The following ROBO1 variants were observed in gnomAD, a reference collection of about 807,000 sequenced individuals.
ROBO1 encodes the protein roundabout guidance receptor 1, also known as roundabout homolog 1.
ROBO1 carries 149 observed loss-of-function variants against 195.9 expected under a neutral mutation model. That is an observed-to-expected ratio of 0.76 (90% CI 0.67 to 0.87). ROBO1 has a LOEUF of 0.87. Among genes scored for constraint, ROBO1 ranks in the 40% least tolerant of loss-of-function variants. The pLI, the probability that ROBO1 is intolerant of heterozygous loss-of-function variation, is 0.00. For synonymous variants in ROBO1, 816 were observed against 733.2 expected (o/e 1.11, Z -1.82); for missense variants, 1,933 against 2,068.3 (o/e 0.93, Z 1.27).
At chr3:78,617,444 G>A (rs1485036426) in intron 27 of ROBO1, among the ~76,000 whole-genome samples, 191 bp downstream of exon 27, 1 of 150,936 alleles carries the variant, frequency 6.6e-6, no homozygotes, top group Non-Finnish European at 1.5e-5. Context: ...AAAAAGCCTT[G>A]TCAAGGAAAA....
At chr3:79,309,080 G>T (rs1159794870) in intron 2 of ROBO1, among the ~76,000 whole-genome samples, 1 of 152,074 alleles carries the variant, frequency 6.6e-6, no homozygotes, top group East Asian at 1.9e-4. Context: ...AAAAGCCACT[G>T]TTATTAATTA....
chr3:79,386,929 C>T (rs1316433079), intron 2 of ROBO1, among the ~76,000 whole-genome samples: 2 of 152,030 alleles, frequency 1.3e-5, no homozygotes, highest in Non-Finnish European at 2.9e-5. Flanking sequence ...AAGCTTCACT[C>T]TTATGTATTA....
intron 2 of ROBO1, among the ~76,000 whole-genome samples, chr3:79,386,679 C>T (rs116490556): frequency 2.8e-4 from 42 of 152,180 alleles, no homozygotes; most frequent in Middle Eastern, 6.8e-3. Context: ...GGTAGCTTCA[C>T]GCATTGGTTG....
At chr3:79,475,090 T>C (rs1266190488) in intron 2 of ROBO1, among the ~76,000 whole-genome samples, 2 of 151,932 alleles carry the variant, frequency 1.3e-5, no homozygotes, top group Non-Finnish European at 2.9e-5. Context: ...GTAATAGTCA[T>C]AAAATTAATA....
chr3:79,283,721 G>A (rs1364027893), intron 2 of ROBO1, among the ~76,000 whole-genome samples: 1 of 146,002 alleles, frequency 6.8e-6, no homozygotes, highest in Non-Finnish European at 1.5e-5. Context: ...TTTTTGAGAC[G>A]GAGTCTCGCT....
intron 1 of ROBO1, among the ~76,000 whole-genome samples, chr3:79,712,886 A>G (rs950408055): frequency 6.6e-6 from 1 of 152,088 alleles, no homozygotes; most frequent in Non-Finnish European, 1.5e-5. Context: ...TGAAAAAACA[A>G]AGCCTAGGTG....
intron 3 of ROBO1, among the ~76,000 whole-genome samples, chr3:79,079,549 A>G (rs1473927247): frequency 6.6e-6 from 1 of 151,828 alleles, no homozygotes; most frequent in African/African-American, 2.4e-5. Flanking sequence ...AGTAGGGCAA[A>G]TGGAGAACAA....
chr3:78,817,227 G>A (rs1305689141), intron 4 of ROBO1, among the ~76,000 whole-genome samples: 1 of 152,058 alleles, frequency 6.6e-6, no homozygotes, highest in Non-Finnish European at 1.5e-5. Context: ...TCACCACCCT[G>A]ATCAGTCAGC....
intron 3 of ROBO1, among the ~76,000 whole-genome samples, chr3:79,102,970 GATAAA>G (rs1438722149): frequency 6.6e-6 from 1 of 151,584 alleles, no homozygotes; most frequent in Non-Finnish European, 1.5e-5. Flanking sequence ...TGTATTTGAC[GATAAA>G]ATAAAAGAAA....
chr3:79,473,716 T>C (rs994811079), intron 2 of ROBO1, among the ~76,000 whole-genome samples: 1 of 152,156 alleles, frequency 6.6e-6, no homozygotes, highest in Non-Finnish European at 1.5e-5. Flanking sequence ...ACTGAGACAA[T>C]AATTTTCAAT....
intron 1 of ROBO1, among the ~76,000 whole-genome samples, chr3:79,720,331 A>G (rs183313568): frequency 7.2e-5 from 11 of 152,260 alleles, no homozygotes; most frequent in Admixed American, 3.3e-4. Flanking sequence ...TTTCAGCACA[A>G]ACTAAGCTAC....
chr3:79,532,141 TG>T (rs939788330), intron 2 of ROBO1, among the ~76,000 whole-genome samples: 1 of 152,182 alleles, frequency 6.6e-6, no homozygotes, highest in African/African-American at 2.4e-5. Context: ...TAATGTAATT[TG>T]ACCTAGTCCT....
chr3:79,215,391 C>T (rs1287993367), intron 2 of ROBO1, among the ~76,000 whole-genome samples: 1 of 152,086 alleles, frequency 6.6e-6, no homozygotes, highest in Non-Finnish European at 1.5e-5. Flanking sequence ...ACCCCACAGG[C>T]AAGCAGACAG....
chr3:78,946,933 T>G (rs2040479258), intron 3 of ROBO1, among the ~76,000 whole-genome samples: 2 of 152,308 alleles, frequency 1.3e-5, no homozygotes, highest in South Asian at 4.1e-4. Flanking sequence ...AGAAGGCTAT[T>G]ACATAATGGT....
At chr3:79,453,696 G>C (rs981371127) in intron 2 of ROBO1, among the ~76,000 whole-genome samples, 6 of 152,078 alleles carry the variant, frequency 3.9e-5, no homozygotes, top group African/African-American at 1.4e-4. Context: ...GGGAAAATGA[G>C]ATGTTGTTTG....
intron 3 of ROBO1, among the ~76,000 whole-genome samples, chr3:79,106,815 G>A (rs534701374): frequency 7.9e-5 from 12 of 151,696 alleles, no homozygotes; most frequent in African/African-American, 2.9e-4. Flanking sequence ...AGTATCCAAA[G>A]CAGTGAAGTT....
chr3:78,857,580 G>A (rs1391691337), intron 4 of ROBO1, among the ~76,000 whole-genome samples: 2 of 152,132 alleles, frequency 1.3e-5, no homozygotes, highest in Non-Finnish European at 2.9e-5. Context: ...AGCAGCATCA[G>A]CATCAGCATC....
Position 78,729,533 on chromosome 3 carries a change from C to T in ROBO1, c.658-11650G>A, listed in dbSNP as rs1331027539. Among the ~76,000 whole-genome samples, 4 of 152,136 alleles carry T rather than the reference C, an allele frequency of 2.6e-5. No homozygotes were observed. In the South Asian group the frequency reaches 6.2e-4, roughly 24 times the overall value. On this transcript the variant is annotated intron_variant, in intron 5 of 30. Coordinates refer to ENST00000464233, the MANE Select transcript of ROBO1 (RefSeq NM_002941.4). The stretch of plus-strand genomic sequence containing the variant: ...CATTTTCCTGGGCTAGACAGAGGTA[C>T]GTAGCCTAAAGCAATCAACCAGGAA...
chr3:79,716,531 A>T (rs1702493182), intron 1 of ROBO1, among the ~76,000 whole-genome samples: 1 of 151,976 alleles, frequency 6.6e-6, no homozygotes, highest in Admixed American at 6.6e-5. Context: ...AAACAATACT[A>T]TGATAATTTT....
Sources: allele counts gnomAD v4.1 joint callset (sites outside exome capture counted in the v4.1 genomes callset), GRCh38; gene constraint gnomAD v4.1.1; transcripts MANE v1.5; gene names NCBI Gene and HGNC (gene_info 2026-07-23, HGNC 2026-07-21).